The following C1orf116 variants were observed in gnomAD, a reference collection of about 807,000 sequenced individuals.
The protein encoded by C1orf116 is specifically androgen-regulated gene protein.
C1orf116 carries 12 observed loss-of-function variants against 14.1 expected under a neutral mutation model. The ratio of observed to expected loss-of-function variants is 0.85; its 90% CI spans 0.54 to 1.38. C1orf116 has a LOEUF of 1.38. Ranked by LOEUF, C1orf116 falls within the 40% of genes most tolerant of loss-of-function variation. The pLI, the probability that C1orf116 is intolerant of heterozygous loss-of-function variation, is 0.00. For missense variants in C1orf116, 797 were observed against 747.0 expected, an observed-to-expected ratio of 1.07 and a Z score of -0.78; for synonymous variants, 296 against 299.0, an observed-to-expected ratio of 0.99 and a Z score of 0.10.
At position 207,022,244 on chromosome 1, in the gene C1orf116, G is replaced by A. The variant is rs746885164; in HGVS notation, c.1520C>T (p.Thr507Ile). 6 of 1,613,990 alleles carry A rather than the reference G, an allele frequency of 3.7e-6. No homozygotes were observed. The highest frequency in any genetic ancestry group is 5.1e-6 in the Non-Finnish European group (6 of 1,179,970). Residue 507 changes from threonine (T) to isoleucine (I), a missense_variant, in exon 4 of 4, where the codon ACT (threonine) becomes ATT (isoleucine). By Grantham distance (89) the Thr-to-Ile change is moderately conservative. Coordinates refer to ENST00000359470, the MANE Select transcript of C1orf116 (RefSeq NM_023938.6). ...TEKDASPKTS[T>I]SLGKGSFLDK... ...CAAGAAGGAGCCCTTTCCCAGAGAA[G>A]TGCTGGTTTTGGGGCTGGCATCTTT... is the stretch of plus-strand genomic sequence containing the variant.
chr1:207,023,552 A>T (rs1031804008), intron 3 of C1orf116, 72 bp from the exon 4 acceptor site: 5 of 1,498,398 alleles, frequency 3.3e-6, no homozygotes, highest in Non-Finnish European at 4.4e-6. Flanking sequence ...CCTGCTGCAG[A>T]GGGGAAAGCA....
In C1orf116 at chr1:207,022,915, C is replaced by G. The variant is rs1313965086; in HGVS notation, c.849G>C (p.Gly283=). The change falls in exon 4 of 4, where the codon GGG becomes GGC. Residue 283 remains glycine (G), a synonymous_variant. Coordinates refer to ENST00000359470, the MANE Select transcript of C1orf116 (RefSeq NM_023938.6). ...GAGCTAGTCGGCTGTTTGGGTCCTC[C>G]CCTGATGAGAGGGGAGCATCTTCAG... is the stretch of plus-strand genomic sequence containing the variant. ...ARAEDAPLSS[G]EDPNSRLAPL... is the part of the protein sequence containing the mutation. 6.2e-7 allele frequency: 1 copy of G among 1,614,066 alleles called. No homozygotes were observed. Among genetic ancestry groups the G allele is most frequent in the East Asian group, 2.2e-5 (1 of 44,882 alleles).
intron 1 of C1orf116, 142 bp from the exon 2 acceptor site, chr1:207,027,821 G>A (rs887833203): frequency 4.3e-5 from 41 of 950,538 alleles, no homozygotes; most frequent in Admixed American, 1.8e-4. Context: ...CGACACCCCC[G>A]GCCTGCATGG....
chr1:207,032,483 T>G (rs1440370741), intron 1 of C1orf116, 96 bp downstream of exon 1: 2 of 828,036 alleles, frequency 2.4e-6, no homozygotes, highest in African/African-American at 1.9e-5. Context: ...AGCTGGGGTA[T>G]AGAGGGACAC....
rs1286561422 is a variant in C1orf116, at chr1:207,021,572, A to G, written c.*386T>C. Reference sequence around the variant, plus strand: ...AAGTCATTGACACGTCCATTGTCTCATTTGACTTTTTGTCTCAGGCATGGC... The same window carrying G: ...AAGTCATTGACACGTCCATTGTCTCGTTTGACTTTTTGTCTCAGGCATGGC... On this transcript the variant is annotated 3_prime_UTR_variant, in exon 4 of 4. Transcript: ENST00000359470. The G allele has an allele frequency of 1.2e-5, 2 of 160,168 alleles. No individual in the cohort carries two copies. Among genetic ancestry groups the G allele is most frequent in the Admixed American group, 1.3e-4 (2 of 15,506 alleles). The allele number at this position is 160,168 out of a possible 1,614,324, so 9.9% of individuals were successfully genotyped here.
intron 2 of C1orf116, among the ~76,000 whole-genome samples, chr1:207,026,936 T>C (rs546701930): frequency 2.0e-5 from 3 of 152,344 alleles, no homozygotes; most frequent in African/African-American, 7.2e-5. Context: ...TTTACCTGTA[T>C]CACATTTACT....
At position 207,022,625 on chromosome 1, in the gene C1orf116, C is replaced by T. The variant is rs201107440; in HGVS notation, c.1139G>A (p.Arg380Gln). ...TGGAGCTGGGGACAGATGCTGGGCC[C>T]GTGTCTCCTTGGGTCTGATGGAGCT... ...PTSSIRPKET[R>Q]AQHLSPAPGL... The change falls in exon 4 of 4, where the codon CGG becomes CAG. Residue 380 changes from arginine (R) to glutamine (Q), a missense_variant. Transcript: ENST00000359470. The T allele has an allele frequency of 3.4e-5, 55 of 1,613,968 alleles. No individual in the cohort carries two copies. Among genetic ancestry groups the T allele is most frequent in the African/African-American group, 8.0e-5 (6 of 74,900 alleles).
In C1orf116 at chr1:207,022,196, A is replaced by G. The variant is rs756664555; in HGVS notation, c.1568T>C (p.Leu523Ser). 6 of 1,614,082 alleles carry G rather than the reference A, an allele frequency of 3.7e-6. No individual in the cohort carries two copies. The highest frequency in any genetic ancestry group is 5.1e-6 in the Non-Finnish European group (6 of 1,179,998). ...GGCCGGGCGGGGCCGAGAATTACGT[A>G]AGACACTGGGCGAGATCTTGTCCAA... Reference protein sequence around the residue: ...SFLDKISPSVLRNSRPRPASL... With the variant: ...SFLDKISPSVSRNSRPRPASL... Residue 523 changes from leucine (L) to serine (S), a missense_variant, in exon 4 of 4, where the codon TTA becomes TCA. Leu to Ser is a moderately radical substitution (Grantham distance 145, BLOSUM62 -2). Coordinates refer to ENST00000359470, the MANE Select transcript of C1orf116 (RefSeq NM_023938.6).
At position 207,021,192 on chromosome 1, in the gene C1orf116, A is replaced by G. The variant is rs1379044547; in HGVS notation, c.*766T>C. 1.3e-5 allele frequency: 2 copies of G among 152,664 alleles called. No individual in the cohort carries two copies. The highest frequency in any genetic ancestry group is 2.9e-5 in the Non-Finnish European group (2 of 68,056). 9.5% of individuals were successfully genotyped at this position (152,664 alleles called of 1,614,324 possible). A position where few individuals can be genotyped will look rare whatever the true frequency, so the allele number is the denominator to read the frequency against. On this transcript the variant is annotated 3_prime_UTR_variant, in exon 4 of 4. Transcript: ENST00000359470. Reference sequence around the variant, plus strand: ...CGGGAGTAGCAGAGTCAGGGACGACAGCACAGTTGGTGATTGAATTTATCA... The same window carrying G: ...CGGGAGTAGCAGAGTCAGGGACGACGGCACAGTTGGTGATTGAATTTATCA...
chr1:207,026,826 T>C (rs183195666), intron 2 of C1orf116, among the ~76,000 whole-genome samples: 245 of 152,348 alleles, frequency 1.6e-3, no homozygotes, highest in African/African-American at 5.4e-3. Flanking sequence ...GTTTATTAAA[T>C]GCCACTCACA....
intron 2 of C1orf116, 148 bp from the exon 3 acceptor site, chr1:207,025,212 C>A (rs118131628): frequency 0.015 from 9,820 of 633,726 alleles, 359 homozygotes; most frequent in Admixed American, 0.11. Flanking sequence ...GGAAGGAATG[C>A]TGAAGAGCTG....
rs146406627 is a variant in C1orf116 at position 207,030,914 on chromosome 1, C to T, written c.-82+1665G>A. On this transcript the variant is annotated intron_variant, in intron 1 of 3. Transcript: ENST00000359470. The stretch of plus-strand genomic sequence containing the variant: ...GACTAAAATACTAAATACTGCCAAG[C>T]CTTGGAGGAGAGGAAATAAAGAACA... 6.1e-4 allele frequency among the ~76,000 whole-genome samples: 93 copies of T among 152,300 alleles called. 1 individual carries two copies. In the East Asian group the frequency reaches 0.016, roughly 27 times the overall value.
intron 1 of C1orf116, among the ~76,000 whole-genome samples, chr1:207,031,503 C>T (rs900023764): frequency 3.9e-5 from 6 of 152,178 alleles, no homozygotes; most frequent in Non-Finnish European, 8.8e-5. Context: ...CTCAGGGCTG[C>T]GTGTGCCAGG....
At chr1:207,026,673 CA>C (rs1682083909) in intron 2 of C1orf116, among the ~76,000 whole-genome samples, 1 of 152,114 alleles carries the variant, frequency 6.6e-6, no homozygotes, top group Non-Finnish European at 1.5e-5. Flanking sequence ...GGATACAATG[CA>C]AAAAAGCATA....
chr1:207,030,420 C>G (rs1682210491), intron 1 of C1orf116, among the ~76,000 whole-genome samples: 1 of 152,112 alleles, frequency 6.6e-6, no homozygotes, highest in Non-Finnish European at 1.5e-5. Flanking sequence ...TACTTCATAC[C>G]TTAAACCCTG....
Position 207,027,561 on chromosome 1 carries a change from G to A in C1orf116, c.38C>T (p.Ser13Leu). Residue 13 changes from serine (S) to leucine (L), a missense_variant, in exon 2 of 4, where the codon TCA (serine) becomes TTA (leucine). By Grantham distance (145) the Ser-to-Leu change is moderately radical. Coordinates refer to ENST00000359470, the MANE Select transcript of C1orf116 (RefSeq NM_023938.6). ...ERELWPAGTG[S>L]EPVTRVGSCD... Reference sequence around the variant, plus strand: ...GCTGCCGACACGGGTCACGGGTTCTGAGCCAGTCCCCGCTGGCCACAGCTC... The same window carrying A: ...GCTGCCGACACGGGTCACGGGTTCTAAGCCAGTCCCCGCTGGCCACAGCTC... 1 of 1,613,632 alleles carries A rather than the reference G, an allele frequency of 6.2e-7. No homozygotes were observed. Among genetic ancestry groups the A allele is most frequent in the Non-Finnish European group, 8.5e-7 (1 of 1,180,046 alleles).
Position 207,022,017 on chromosome 1 carries a change from C to A in C1orf116, c.1747G>T (p.Gly583Cys). ...TCCCTTCTGTGTTCATTGGGGACAC[C>A]CTTTGGGGAGATCTTGACACTGACA... ...PCVSVKISPK[G>C]VPNEHRREAL... The change falls in exon 4 of 4, where the codon GGT becomes TGT. Residue 583 changes from glycine (G) to cysteine (C), a missense_variant. Transcript: ENST00000359470. 3 of 1,578,208 alleles carry A rather than the reference C, an allele frequency of 1.9e-6. No individual in the cohort carries two copies. Among genetic ancestry groups the A allele is most frequent in the South Asian group, 1.2e-5 (1 of 82,998 alleles).
intron 1 of C1orf116, among the ~76,000 whole-genome samples, chr1:207,028,531 C>G (rs1251920208): frequency 6.6e-6 from 1 of 152,228 alleles, no homozygotes; most frequent in Non-Finnish European, 1.5e-5. Flanking sequence ...TCTAGTGAAT[C>G]TCTTTCTTTC....
rs774197007 is a variant in C1orf116, at chr1:207,027,525, A to T, written c.74T>A (p.Met25Lys). The change falls in exon 2 of 4, where the codon ATG becomes AAG. Residue 25 changes from methionine to lysine, a missense_variant. Met to Lys is a moderately conservative substitution (Grantham distance 95). Coordinates refer to ENST00000359470, the MANE Select transcript of C1orf116 (RefSeq NM_023938.6). The part of the protein sequence containing the change: ...PVTRVGSCDS[M>K]MSSTSTRSGS... ...AGAGCGGGTGGAGGTGCTGCTCATC[A>T]TGCTGTCACAGCTGCCGACACGGGT... The T allele has an allele frequency of 1.2e-6, 2 of 1,613,892 alleles. No homozygotes were observed. Among genetic ancestry groups the T allele is most frequent in the Non-Finnish European group, 1.7e-6 (2 of 1,180,012 alleles).
Sources: allele counts gnomAD v4.1 joint callset (sites outside exome capture counted in the v4.1 genomes callset), GRCh38; gene constraint gnomAD v4.1.1; transcripts MANE v1.5; gene names NCBI Gene and HGNC (gene_info 2026-07-23, HGNC 2026-07-21).